ZCCHC7: variants seen among roughly 807,000 people sequenced by gnomAD.
ZCCHC7 encodes the protein zinc finger CCHC-type containing 7.
ZCCHC7 carries 35 observed loss-of-function variants against 52.0 expected under a neutral mutation model. That is an observed-to-expected ratio of 0.67 (90% CI 0.51 to 0.89). The LOEUF (loss-of-function observed/expected upper bound fraction) is 0.89, where lower values mean the gene tolerates loss of function less well. Ranked by LOEUF, ZCCHC7 falls within the 40% of genes least tolerant of loss-of-function variation. The pLI is 0.00. For synonymous variants in ZCCHC7, 217 were observed against 221.5 expected (o/e 0.98, Z 0.18); for missense variants, 574 against 649.1 (o/e 0.88, Z 1.26).
chr9:37,162,403 G>A (rs530721405), intron 2 of ZCCHC7, among the ~76,000 whole-genome samples: 12 of 152,068 alleles, frequency 7.9e-5, no homozygotes, highest in Non-Finnish European at 1.2e-4. Flanking sequence ...CCTTCATACC[G>A]TCCATCCCCA....
chr9:37,184,243 T>C (rs1293021323), intron 2 of ZCCHC7, among the ~76,000 whole-genome samples: 4 of 152,202 alleles, frequency 2.6e-5, no homozygotes, highest in African/African-American at 9.6e-5. Context: ...TGTATGTTGT[T>C]AACTGAATCG....
chr9:37,180,922 T>A (rs1021127087), intron 2 of ZCCHC7, among the ~76,000 whole-genome samples: 1 of 152,170 alleles, frequency 6.6e-6, no homozygotes, highest in Admixed American at 6.5e-5. Flanking sequence ...GTTTTATTTA[T>A]AAAACAAATA....
At chr9:37,344,897 G>T (rs1047506428) in intron 6 of ZCCHC7, among the ~76,000 whole-genome samples, 1 of 152,120 alleles carries the variant, frequency 6.6e-6, no homozygotes, top group Non-Finnish European at 1.5e-5. Flanking sequence ...ATACACTCAT[G>T]CCATGGGCCC....
At chr9:37,348,133 T>G (rs185187317) in intron 6 of ZCCHC7, among the ~76,000 whole-genome samples, 1 of 152,186 alleles carries the variant, frequency 6.6e-6, no homozygotes, top group African/African-American at 2.4e-5. Flanking sequence ...CAGACTCTTC[T>G]GTCTCTACAT....
intron 2 of ZCCHC7, among the ~76,000 whole-genome samples, chr9:37,242,881 C>G (rs2133363721): frequency 6.6e-6 from 1 of 151,948 alleles, no homozygotes; most frequent in South Asian, 2.1e-4. Flanking sequence ...TTTGTATCAG[C>G]ACCCTGAATG....
At chr9:37,251,683 G>A (rs1407483655) in intron 2 of ZCCHC7, among the ~76,000 whole-genome samples, 1 of 152,208 alleles carries the variant, frequency 6.6e-6, no homozygotes, top group East Asian at 1.9e-4. Context: ...CCACAGGCAG[G>A]CTGGCCTTTT....
intron 2 of ZCCHC7, among the ~76,000 whole-genome samples, chr9:37,258,923 G>A (rs1319740942): frequency 1.3e-5 from 2 of 152,206 alleles, no homozygotes; most frequent in African/African-American, 4.8e-5. Context: ...TTAAAGAAAA[G>A]TGGCCAGAAA....
intron 2 of ZCCHC7, among the ~76,000 whole-genome samples, chr9:37,185,807 AC>A (rs1822620710): frequency 6.6e-6 from 1 of 152,106 alleles, no homozygotes; most frequent in Non-Finnish European, 1.5e-5. Flanking sequence ...ATCTAGAGGG[AC>A]CCTGTTTCCA....
At chr9:37,245,260 G>C (rs867304036) in intron 2 of ZCCHC7, among the ~76,000 whole-genome samples, 2 of 151,672 alleles carry the variant, frequency 1.3e-5, no homozygotes, top group Non-Finnish European at 3.0e-5. Context: ...TCCTCTCCTT[G>C]AAATGTTTCA....
intron 6 of ZCCHC7, among the ~76,000 whole-genome samples, chr9:37,342,335 A>AAC (rs774119497): frequency 2.6e-5 from 4 of 152,178 alleles, no homozygotes; most frequent in Non-Finnish European, 5.9e-5. Context: ...GTGGGGGAAG[A>AAC]ACAGGATTTG....
At chr9:37,332,621 T>A (rs1830493148) in intron 6 of ZCCHC7, among the ~76,000 whole-genome samples, 1 of 149,482 alleles carries the variant, frequency 6.7e-6, no homozygotes, top group South Asian at 2.1e-4. Context: ...GTCAACTGAT[T>A]TTTTTTTTTA....
chr9:37,357,255 A>G lies in ZCCHC7; in HGVS notation c.1619A>G (p.Lys540Arg), dbSNP rs754037762. ...NDNLFLIKQR[K>R]KKS ...AACTTATTTCTTATTAAGCAGAGAA[A>G]AAAAAAGTCTTAAGCCGTCAGGCAG... The change falls in exon 9 of 9, where the codon AAA becomes AGA. Residue 540 changes from lysine (K) to arginine (R), a missense_variant. Physicochemically the swap from Lys to Arg is conservative, Grantham distance 26. This residue lies in a region of ZCCHC7 where 168 missense variants were observed against 171.6 expected (regional missense o/e 0.98). Transcript: ENST00000336755. The G allele has an allele frequency of 1.9e-6, 3 of 1,593,458 alleles. No homozygotes were observed. Among genetic ancestry groups the G allele is most frequent in the South Asian group, 1.2e-5 (1 of 86,374 alleles).
chr9:37,242,966 A>G (rs1457097569), intron 2 of ZCCHC7, among the ~76,000 whole-genome samples: 1 of 151,852 alleles, frequency 6.6e-6, no homozygotes, highest in Non-Finnish European at 1.5e-5. Context: ...GAGAAAAGCA[A>G]TCATCTGAGT....
At chr9:37,176,771 T>C (rs1822056644) in intron 2 of ZCCHC7, among the ~76,000 whole-genome samples, 1 of 152,178 alleles carries the variant, frequency 6.6e-6, no homozygotes, top group Admixed American at 6.5e-5. Flanking sequence ...TTAAATCATA[T>C]AGGATTCATT....
At chr9:37,149,382 C>T (rs1441614223) in intron 2 of ZCCHC7, among the ~76,000 whole-genome samples, 1 of 152,044 alleles carries the variant, frequency 6.6e-6, no homozygotes, top group South Asian at 2.1e-4. Context: ...TTTGGGGGAA[C>T]ATCACTGAAC....
chr9:37,311,543 G>A (rs929245259), intron 5 of ZCCHC7, among the ~76,000 whole-genome samples: 2 of 152,158 alleles, frequency 1.3e-5, no homozygotes, highest in African/African-American at 4.8e-5. Flanking sequence ...CCAAGTAGCT[G>A]GGATTACAGG....
intron 2 of ZCCHC7, among the ~76,000 whole-genome samples, chr9:37,291,980 ACTGCGCCT>A (rs1828560938): frequency 6.6e-6 from 1 of 152,222 alleles, no homozygotes; most frequent in Non-Finnish European, 1.5e-5. Context: ...GGCGTGAGCC[ACTGCGCCT>A]GGCCATGTTT....
At chr9:37,326,473 AAGCTGTGTAGACTGCTTT>A (rs1830244135) in intron 5 of ZCCHC7, among the ~76,000 whole-genome samples, 1 of 151,254 alleles carries the variant, frequency 6.6e-6, no homozygotes, top group South Asian at 2.1e-4. Context: ...TTCCTATAGA[AAGCTGTGTAGACTGCTTT>A]CTATAGGAGC....
At chr9:37,277,470 C>A (rs1026221485) in intron 2 of ZCCHC7, among the ~76,000 whole-genome samples, 1 of 151,920 alleles carries the variant, frequency 6.6e-6, no homozygotes, top group Admixed American at 6.6e-5. Flanking sequence ...AGTGAGACCC[C>A]CCCATCTCTG....
Sources: allele counts gnomAD v4.1 joint callset (sites outside exome capture counted in the v4.1 genomes callset), GRCh38; gene constraint gnomAD v4.1.1; regional missense constraint gnomAD v4.1.1; transcripts MANE v1.5; gene names NCBI Gene and HGNC (gene_info 2026-07-23, HGNC 2026-07-21).